Variants in CEP112 observed in about 807,000 individuals in gnomAD.
CEP112 encodes the protein centrosomal protein 112, also known as centrosomal protein of 112 kDa.
CEP112 carries 127 observed loss-of-function variants against 153.0 expected under a neutral mutation model. The ratio of observed to expected loss-of-function variants is 0.83; its 90% CI spans 0.72 to 0.96. The LOEUF (loss-of-function observed/expected upper bound fraction) is 0.96, where lower values mean the gene tolerates loss of function less well. Ranked by LOEUF, CEP112 falls within the 40% of genes least tolerant of loss-of-function variation. CEP112 has a pLI of 0.00. For synonymous variants in CEP112, 358 were observed against 374.4 expected, an observed-to-expected ratio of 0.96 and a Z score of 0.51; for missense variants, 1,089 against 1,101.2, an observed-to-expected ratio of 0.99 and a Z score of 0.16.
chr17:65,838,301 T>C (rs915099941), intron 21 of CEP112, among the ~76,000 whole-genome samples: 1 of 152,108 alleles, frequency 6.6e-6, no homozygotes, highest in Non-Finnish European at 1.5e-5. Flanking sequence ...AATCATATCG[T>C]CTTTTCTGAT....
chr17:65,840,536 G>C (rs2057478633), intron 21 of CEP112, among the ~76,000 whole-genome samples: 2 of 151,956 alleles, frequency 1.3e-5, no homozygotes, highest in Admixed American at 6.6e-5. Context: ...TGTAAGACCT[G>C]AGAGTATGAA....
chr17:65,805,452 T>C (rs1219207455), intron 21 of CEP112, among the ~76,000 whole-genome samples: 1 of 152,082 alleles, frequency 6.6e-6, no homozygotes, highest in African/African-American at 2.4e-5. Flanking sequence ...GGGATAACAA[T>C]GTGGGGTAGA....
intron 22 of CEP112, among the ~76,000 whole-genome samples, chr17:65,747,641 A>T (rs2051554629): frequency 6.6e-6 from 1 of 152,178 alleles, no homozygotes; most frequent in African/African-American, 2.4e-5. Flanking sequence ...CATCGTCTCC[A>T]TTCTTTTCTT....
chr17:66,077,591 G>C (rs1023877811), intron 8 of CEP112, among the ~76,000 whole-genome samples: 1 of 152,136 alleles, frequency 6.6e-6, no homozygotes, highest in Non-Finnish European at 1.5e-5. Flanking sequence ...AAGAACAATC[G>C]GTATTCCTGA....
chr17:65,784,042 G>T (rs2054139182), intron 21 of CEP112, among the ~76,000 whole-genome samples: 1 of 152,254 alleles, frequency 6.6e-6, no homozygotes, highest in Non-Finnish European at 1.5e-5. Context: ...CAATGTAGGA[G>T]TGATGCAAGT....
At position 65,861,562 on chromosome 17, in the gene CEP112, A is replaced by G. The variant is rs531418605; in HGVS notation, c.2164-9528T>C. The stretch of plus-strand genomic sequence containing the variant: ...AAGTATATCAACAAGTAAAAGATAA[A>G]TAACCCAACAGAAAATAAGTAAAAA... On this transcript the variant is annotated intron_variant, in intron 20 of 26. Coordinates refer to ENST00000535342, the MANE Select transcript of CEP112 (RefSeq NM_001199165.4). 3.5e-3 allele frequency among the ~76,000 whole-genome samples: 531 copies of G among 152,354 alleles called. 5 individuals carry two copies. The highest frequency in any genetic ancestry group is 2.7e-3 in the Non-Finnish European group (184 of 68,032).
chr17:65,905,508 TA>T (rs1212623924), intron 19 of CEP112, among the ~76,000 whole-genome samples: 1 of 152,212 alleles, frequency 6.6e-6, no homozygotes, highest in Non-Finnish European at 1.5e-5. Context: ...GGTGGGAGTG[TA>T]AATTAGTTCA....
intron 21 of CEP112, among the ~76,000 whole-genome samples, chr17:65,842,914 A>AT (rs1372755466): frequency 6.6e-6 from 1 of 151,778 alleles, no homozygotes; most frequent in Non-Finnish European, 1.5e-5. Flanking sequence ...TGGCTTTTTA[A>AT]TTTTTTATTT....
Position 66,183,292 on chromosome 17 carries a change from A to G in CEP112, c.8T>C (p.Val3Ala). The change falls in exon 2 of 27, where the codon GTG becomes GCG. Residue 3 changes from valine to alanine, a missense_variant. Val to Ala is a moderately conservative substitution (Grantham distance 64). Transcript: ENST00000535342. ...CTCCCATTTTTCTTCTTCACTTCCC[A>G]CTTCCATAATCCAATCTGTAAAAGA... MEVGSEEEKWEKL... is the reference protein window; with the variant it reads MEAGSEEEKWEKL... 3 of 1,608,772 alleles carry G rather than the reference A, an allele frequency of 1.9e-6. No homozygotes were observed. Among genetic ancestry groups the G allele is most frequent in the Non-Finnish European group, 2.6e-6 (3 of 1,176,320 alleles).
intron 8 of CEP112, among the ~76,000 whole-genome samples, chr17:66,075,218 G>A (rs2067446897): frequency 6.6e-6 from 1 of 152,120 alleles, no homozygotes; most frequent in African/African-American, 2.4e-5. Context: ...CAAAAGTTAG[G>A]TTTCATAAGG....
At chr17:66,034,995 TATATATATATATA>T (rs2065665477) in intron 12 of CEP112, among the ~76,000 whole-genome samples, 1 of 110,006 alleles carries the variant, frequency 9.1e-6, no homozygotes, top group African/African-American at 3.1e-5. Context: ...TATATATACA[TATATATATATATA>T]TTTTTTTTTT....
At chr17:65,786,572 C>CTTTTTT (rs1195368604) in intron 21 of CEP112, among the ~76,000 whole-genome samples, 85 of 101,542 alleles carry the variant, frequency 8.4e-4, no homozygotes, top group Non-Finnish European at 1.1e-3. Flanking sequence ...TTAGCCAATT[C>CTTTTTT]TTTTTTTTTT....
At chr17:65,861,750 G>A (rs2058316811) in intron 20 of CEP112, among the ~76,000 whole-genome samples, 1 of 152,096 alleles carries the variant, frequency 6.6e-6, no homozygotes. Context: ...ACCAAATGCT[G>A]GCAAGAATGT....
intron 12 of CEP112, among the ~76,000 whole-genome samples, chr17:66,036,077 C>G (rs1025652802): frequency 2.6e-5 from 4 of 152,214 alleles, no homozygotes; most frequent in African/African-American, 9.6e-5. Context: ...TTGAGTGAAT[C>G]TTGAAAACAT....
At chr17:65,750,769 C>A in intron 21 of CEP112, 45 bp from the exon 22 acceptor site, 1 of 1,558,792 alleles carries the variant, frequency 6.4e-7, no homozygotes. Flanking sequence ...GACCTGTGAG[C>A]TTGGTATCTC....
At chr17:65,859,698 TATGACAAGAAC>T (rs1484209608) in intron 20 of CEP112, among the ~76,000 whole-genome samples, 1 of 149,396 alleles carries the variant, frequency 6.7e-6, no homozygotes, top group Non-Finnish European at 1.5e-5. Context: ...TTCACAAGTG[TATGACAAGAAC>T]ATAAAAAAAA....
Position 65,887,477 on chromosome 17 carries a change from T to C in CEP112, c.2163+14675A>G, listed in dbSNP as rs147178973. Among the ~76,000 whole-genome samples the C allele has an allele frequency of 5.2e-4, 79 of 152,302 alleles. 1 individual carries two copies. The East Asian group carries it at 0.014, about 27-fold the overall frequency. ...ACATTTCCCACCGCTTCAGGACCAA[T>C]AGATTTTAAGTACTGTCTCCATCCT... On this transcript the variant is annotated intron_variant, in intron 20 of 26. Transcript: ENST00000535342.
intron 19 of CEP112, among the ~76,000 whole-genome samples, chr17:65,925,251 T>C (rs185159253): frequency 1.2e-4 from 19 of 152,368 alleles, no homozygotes; most frequent in African/African-American, 3.8e-4. Flanking sequence ...AAGGTGATTT[T>C]GCTTCTCCTT....
intron 4 of CEP112, among the ~76,000 whole-genome samples, chr17:66,152,091 T>C (rs937070079): frequency 3.3e-5 from 5 of 152,160 alleles, no homozygotes; most frequent in South Asian, 2.1e-4. Flanking sequence ...ATCTGTATTA[T>C]AGATAATACA....
Sources: allele counts gnomAD v4.1 joint callset (sites outside exome capture counted in the v4.1 genomes callset), GRCh38; gene constraint gnomAD v4.1.1; transcripts MANE v1.5; gene names NCBI Gene and HGNC (gene_info 2026-07-23, HGNC 2026-07-21).